Variants in PAPOLA observed in about 807,000 individuals in gnomAD.
PAPOLA encodes polynucleotide adenylyltransferase alpha.
PAPOLA carries 15 observed loss-of-function variants against 100.6 expected under a neutral mutation model. The observed-to-expected ratio is 0.15, with a 90% CI of 0.10 to 0.23. The LOEUF is 0.23. Among genes scored for constraint, PAPOLA ranks in the 10% least tolerant of loss-of-function variants. PAPOLA has a pLI of 1.00. For synonymous variants in PAPOLA, 293 were observed against 300.0 expected, an observed-to-expected ratio of 0.98 and a Z score of 0.24; for missense variants, 533 against 884.2, an observed-to-expected ratio of 0.60 and a Z score of 5.04.
chr14:96,556,160 A>G lies in PAPOLA; in HGVS notation c.1766-15A>G, dbSNP rs764019379. 6.3e-7 allele frequency: 1 copy of G among 1,588,604 alleles called. No homozygotes were observed. The stretch of plus-strand genomic sequence containing the variant: ...GTTATTTTAATTTGTATATACTCAT[A>G]TATTTGCTGCTTAGGTACATCGAGT... On this transcript the variant is annotated splice_polypyrimidine_tract_variant and intron_variant, in intron 18 of 21. Coordinates refer to ENST00000216277, the MANE Select transcript of PAPOLA (RefSeq NM_032632.5).
At chr14:96,541,132 C>T (rs1207721155) in intron 12 of PAPOLA, among the ~76,000 whole-genome samples, 4 of 152,190 alleles carry the variant, frequency 2.6e-5, no homozygotes, top group African/African-American at 7.2e-5. Flanking sequence ...TTGTGATCCG[C>T]CCGCCTCGGC....
At chr14:96,559,980 G>A (rs1901704168) in intron 19 of PAPOLA, among the ~76,000 whole-genome samples, 1 of 151,962 alleles carries the variant, frequency 6.6e-6, no homozygotes. Context: ...ATATTTGCAG[G>A]GTACAAATAA....
intron 1 of PAPOLA, among the ~76,000 whole-genome samples, chr14:96,511,070 T>C (rs1453207346): frequency 6.6e-6 from 1 of 152,236 alleles, no homozygotes. Flanking sequence ...GTTTATCTGA[T>C]TGGTTTCAAA....
At chr14:96,512,223 G>T (rs1468654378) in intron 1 of PAPOLA, among the ~76,000 whole-genome samples, 2 of 151,662 alleles carry the variant, frequency 1.3e-5, no homozygotes, top group Non-Finnish European at 2.9e-5. Flanking sequence ...GCTTGATTGT[G>T]TTTCTATGAA....
chr14:96,550,784 G>A (rs1411553630), intron 16 of PAPOLA, among the ~76,000 whole-genome samples: 1 of 152,154 alleles, frequency 6.6e-6, no homozygotes, highest in Non-Finnish European at 1.5e-5. Context: ...TAGTAAAATA[G>A]CACTTTCTTG....
chr14:96,559,332 T>C (rs1901616665), intron 19 of PAPOLA, among the ~76,000 whole-genome samples: 1 of 151,846 alleles, frequency 6.6e-6, no homozygotes, highest in Non-Finnish European at 1.5e-5. Context: ...TGCTAATGAG[T>C]ACTTGGTATT....
rs541817208 is a variant in PAPOLA at position 96,532,824 on chromosome 14, T to C, written c.836+175T>C. On this transcript the variant is annotated intron_variant, in intron 9 of 21. Coordinates refer to ENST00000216277, the MANE Select transcript of PAPOLA (RefSeq NM_032632.5). The stretch of plus-strand genomic sequence containing the variant: ...AATGGCAAACTGAAACTATTTTTTT[T>C]CCCTAGTTTGGCCAGGATAGTAAGG... The C allele has an allele frequency of 3.7e-4, 501 of 1,341,058 alleles. 1 individual carries two copies. The African/African-American group carries it at 5.4e-3, about 14-fold the overall frequency. The allele number at this position is 1,341,058 out of a possible 1,614,324, so 83.1% of individuals were successfully genotyped here.
At chr14:96,546,242 A>G (rs1434876662) in intron 15 of PAPOLA, among the ~76,000 whole-genome samples, 1 of 151,982 alleles carries the variant, frequency 6.6e-6, no homozygotes, top group Non-Finnish European at 1.5e-5. Context: ...TTCAGAATAC[A>G]TTGAGGTTTC....
At chr14:96,556,544 G>T in intron 19 of PAPOLA, 131 bp downstream of exon 19, 2 of 689,720 alleles carry the variant, frequency 2.9e-6, no homozygotes, top group South Asian at 3.5e-5. Flanking sequence ...AATTTTAGGT[G>T]TGTCTGTAGT....
At chr14:96,557,616 C>T (rs1283322301) in intron 19 of PAPOLA, among the ~76,000 whole-genome samples, 1 of 148,464 alleles carries the variant, frequency 6.7e-6, no homozygotes, top group East Asian at 2.0e-4. Flanking sequence ...CTTACTACAA[C>T]ACAATTTCTT....
chr14:96,539,757 T>C (rs902454472), intron 12 of PAPOLA, among the ~76,000 whole-genome samples: 1 of 152,132 alleles, frequency 6.6e-6, no homozygotes. Context: ...AGATGTACAC[T>C]AGGTTTCTGT....
intron 6 of PAPOLA, among the ~76,000 whole-genome samples, chr14:96,530,396 T>TC (rs1898891355): frequency 6.7e-6 from 1 of 150,044 alleles, no homozygotes; most frequent in African/African-American, 2.4e-5. Context: ...TTTTTTTTCT[T>TC]TTTTTTTTTT....
chr14:96,513,753 G>T (rs1897253703), intron 1 of PAPOLA, among the ~76,000 whole-genome samples: 1 of 152,080 alleles, frequency 6.6e-6, no homozygotes, highest in Non-Finnish European at 1.5e-5. Flanking sequence ...AAAATTGATT[G>T]AAGAATTCTT....
chr14:96,507,388 C>T lies in PAPOLA; in HGVS notation c.8+4788C>T, dbSNP rs545731308. 3.2e-3 allele frequency among the ~76,000 whole-genome samples: 471 copies of T among 147,342 alleles called. 2 individuals carry two copies. Among genetic ancestry groups the T allele is most frequent in the African/African-American group, 0.011 (449 of 39,684 alleles). ...CTGCAAGCTCCGTCTTCCGGGTTCA[C>T]GCCATTCTCCTGCCTCAGCCTCCCG... is the stretch of plus-strand genomic sequence containing the variant. On this transcript the variant is annotated intron_variant, in intron 1 of 21. Transcript: ENST00000216277.
rs1289995804 is a variant in PAPOLA at position 96,533,059 on chromosome 14, A to G, written c.836+410A>G. The G allele has an allele frequency of 1.0e-5, 10 of 979,974 alleles. No individual in the cohort carries two copies. The African/African-American group carries it at 1.6e-4, about 15-fold the overall frequency. The allele number at this position is 979,974 out of a possible 1,614,324, so 60.7% of individuals were successfully genotyped here. On this transcript the variant is annotated intron_variant, in intron 9 of 21. Transcript: ENST00000216277. ...TTTTTTTTTTCTTTTTGCTTTCAGC[A>G]TTTATTTGGCCTAATATTAAAGATA... is the stretch of plus-strand genomic sequence containing the variant.
chr14:96,507,280 G>GTTTTGTTTTTTTTT (rs1896782695), intron 1 of PAPOLA, among the ~76,000 whole-genome samples: 1 of 80,720 alleles, frequency 1.2e-5, no homozygotes, highest in African/African-American at 5.7e-5. Flanking sequence ...TTGGAAAATA[G>GTTTTGTTTTTTTTT]TTTTTTTTTT....
rs764364872 is a variant in PAPOLA at position 96,549,249 on chromosome 14, A to ATT, written c.1521+1347_1521+1348dup. Reference sequence around the variant, plus strand: ...AAGGTTTAAACATGATGTTATTCTAATTTTTTTTTTTTTTTTTGAGACGGA... The same window carrying ATT: ...AAGGTTTAAACATGATGTTATTCTAATTTTTTTTTTTTTTTTTTTGAGACGGA... On this transcript the variant is annotated intron_variant, in intron 16 of 21. Transcript: ENST00000216277. Among the ~76,000 whole-genome samples, 22 of 140,118 alleles carry ATT rather than the reference A, an allele frequency of 1.6e-4. No homozygotes were observed. In the South Asian group the frequency reaches 2.3e-3, roughly 14 times the overall value. 91.9% of individuals were successfully genotyped at this position (140,118 alleles called of 152,430 possible). A position where few individuals can be genotyped will look rare whatever the true frequency, so the allele number is the denominator to read the frequency against.
At chr14:96,529,300 ATCTGT>A (rs1053831099) in intron 6 of PAPOLA, among the ~76,000 whole-genome samples, 22 of 152,084 alleles carry the variant, frequency 1.4e-4, no homozygotes, top group African/African-American at 5.1e-4. Flanking sequence ...AGACTTTGAA[ATCTGT>A]TCTTTTTCAT....
At chr14:96,518,570 C>T (rs186961890) in intron 1 of PAPOLA, among the ~76,000 whole-genome samples, 78 of 152,120 alleles carry the variant, frequency 5.1e-4, no homozygotes, top group African/African-American at 1.8e-3. Flanking sequence ...CCACTACGCC[C>T]AGCTAATTTT....
Sources: allele counts gnomAD v4.1 joint callset (sites outside exome capture counted in the v4.1 genomes callset), GRCh38; gene constraint gnomAD v4.1.1; transcripts MANE v1.5; gene names NCBI Gene and HGNC (gene_info 2026-07-23, HGNC 2026-07-21).